Variants in RERE observed in about 807,000 individuals in gnomAD.
RERE encodes the protein arginine-glutamic acid dipeptide repeats.
A neutral mutation model predicts 146.1 loss-of-function variants in RERE; 40 were observed. That is an observed-to-expected ratio of 0.27 (90% CI 0.21 to 0.36). The LOEUF is 0.36. Among genes scored for constraint, RERE ranks in the 10% least tolerant of loss-of-function variants. The pLI is 1.00. For synonymous variants in RERE, 1,003 were observed against 866.0 expected (o/e 1.16, Z -2.78); for missense variants, 1,933 against 2,138.7 (o/e 0.90, Z 1.90).
chr1:8,761,217 G>A (rs541579589), intron 1 of RERE, among the ~76,000 whole-genome samples: 2 of 152,268 alleles, frequency 1.3e-5, no homozygotes, highest in South Asian at 4.2e-4. Context: ...TCCTAAAACT[G>A]GAGGATTTTC....
rs1641587677 is a variant in RERE, at chr1:8,361,686, C to T, written c.2016+77G>A. On this transcript the variant is annotated intron_variant, in intron 17 of 22. Coordinates refer to ENST00000400908, the MANE Select transcript of RERE (RefSeq NM_001042681.2). ...ACCCTAGGAGACAGGGCACGGCCAC[C>T]AACTAGGGAGAACCCCGGCTGGGGG... The T allele has an allele frequency of 2.8e-6, 4 of 1,419,516 alleles. No individual in the cohort carries two copies. In the South Asian group the frequency reaches 4.7e-5, roughly 17 times the overall value. The allele number at this position is 1,419,516 out of a possible 1,614,324, so 87.9% of individuals were successfully genotyped here.
chr1:8,750,347 C>G (rs1199311053), intron 1 of RERE: 2 of 611,864 alleles, frequency 3.3e-6, no homozygotes, highest in East Asian at 5.5e-5. Flanking sequence ...CATGTAGAAA[C>G]CATTCTGCCT....
At chr1:8,509,738 G>A (rs531787939) in intron 7 of RERE, among the ~76,000 whole-genome samples, 1 of 152,272 alleles carries the variant, frequency 6.6e-6, no homozygotes, top group South Asian at 2.1e-4. Context: ...AGGCTGCAGT[G>A]AGCCATGTTC....
At chr1:8,721,389 G>A (rs1243833290) in intron 1 of RERE, among the ~76,000 whole-genome samples, 2 of 152,122 alleles carry the variant, frequency 1.3e-5, no homozygotes, top group Admixed American at 1.3e-4. Flanking sequence ...TCGGCTCACT[G>A]TAACCTCCGT....
In RERE at chr1:8,361,437, A is replaced by G. The variant is rs2124369473; in HGVS notation, c.2070T>C (p.Ser690=). Residue 690 remains serine, a synonymous_variant, in exon 18 of 23, where the codon AGT becomes AGC. Transcript: ENST00000400908. ...TGCTACCCTCATCGTTGACGCTGCGACTGTCTGAACTCTCTCCCTCACCTT... is the reference window on the plus strand; with the variant it reads ...TGCTACCCTCATCGTTGACGCTGCGGCTGTCTGAACTCTCTCCCTCACCTT... ...PSEGEGESSD[S]RSVNDEGSSD... 1.2e-6 allele frequency: 2 copies of G among 1,613,646 alleles called. No individual in the cohort carries two copies. The highest frequency in any genetic ancestry group is 4.5e-5 in the East Asian group (2 of 44,862).
At chr1:8,389,791 G>T (rs1052385322) in intron 12 of RERE, among the ~76,000 whole-genome samples, 2 of 152,184 alleles carry the variant, frequency 1.3e-5, no homozygotes, top group Non-Finnish European at 2.9e-5. Flanking sequence ...CTAAGTGCAC[G>T]TTGTTTTGTA....
At chr1:8,710,185 A>G (rs1639638525) in intron 1 of RERE, among the ~76,000 whole-genome samples, 1 of 152,214 alleles carries the variant, frequency 6.6e-6, no homozygotes, top group African/African-American at 2.4e-5. Flanking sequence ...CAAATGCCCT[A>G]TGGGTTCCAC....
At chr1:8,809,988 T>C (rs1357153748) in intron 1 of RERE, among the ~76,000 whole-genome samples, 1 of 151,830 alleles carries the variant, frequency 6.6e-6, no homozygotes, top group African/African-American at 2.4e-5. Context: ...TTTGTTGTTT[T>C]TGTTTTTGTT....
At chr1:8,712,756 C>G (rs922317039) in intron 1 of RERE, among the ~76,000 whole-genome samples, 14 of 150,180 alleles carry the variant, frequency 9.3e-5, no homozygotes, top group African/African-American at 3.4e-4. Context: ...TACTCAAGGG[C>G]TTTAGAAAAA....
At chr1:8,633,454 G>A (rs201626372) in intron 2 of RERE, among the ~76,000 whole-genome samples, 1 of 150,476 alleles carries the variant, frequency 6.6e-6, no homozygotes, top group African/African-American at 2.4e-5. Context: ...CACACACACA[G>A]ACACACACAC....
chr1:8,690,583 T>C (rs1157574714), intron 1 of RERE, among the ~76,000 whole-genome samples: 1 of 152,214 alleles, frequency 6.6e-6, no homozygotes, highest in Non-Finnish European at 1.5e-5. Flanking sequence ...ATTTAGACAA[T>C]GTAAAATAAA....
At chr1:8,736,139 G>A (rs993200025) in intron 1 of RERE, among the ~76,000 whole-genome samples, 3 of 152,064 alleles carry the variant, frequency 2.0e-5, no homozygotes, top group African/African-American at 7.2e-5. Flanking sequence ...TGAGTGCAGG[G>A]GTGCTCTCAC....
chr1:8,381,040 C>T (rs1475386185), intron 12 of RERE: 2 of 456,528 alleles, frequency 4.4e-6, no homozygotes, highest in Non-Finnish European at 8.8e-6. Context: ...GGAACGCCTT[C>T]TCCTGGTTGC....
intron 7 of RERE, among the ~76,000 whole-genome samples, chr1:8,520,764 A>AAAC (rs1645485463): frequency 6.7e-6 from 1 of 150,196 alleles, no homozygotes; most frequent in African/African-American, 2.4e-5. Context: ...TAAAAAAAAA[A>AAAC]AAAAAAAAAA....
chr1:8,720,468 T>C (rs1203148230), intron 1 of RERE, among the ~76,000 whole-genome samples: 2 of 151,844 alleles, frequency 1.3e-5, no homozygotes, highest in Non-Finnish European at 2.9e-5. Flanking sequence ...GGATTAAACA[T>C]ATGCAGAGGG....
intron 2 of RERE, among the ~76,000 whole-genome samples, chr1:8,632,314 G>A (rs76790217): frequency 6.6e-6 from 1 of 152,208 alleles, no homozygotes; most frequent in Non-Finnish European, 1.5e-5. Context: ...CTGCAGCGCA[G>A]ATTTCAAGCA....
chr1:8,677,841 C>A (rs750170652), intron 1 of RERE, among the ~76,000 whole-genome samples: 2 of 152,200 alleles, frequency 1.3e-5, no homozygotes, highest in Non-Finnish European at 2.9e-5. Context: ...GCTCAATAAA[C>A]CTCAACACTG....
At chr1:8,448,274 G>C (rs1372458246) in intron 11 of RERE, among the ~76,000 whole-genome samples, 1 of 152,170 alleles carries the variant, frequency 6.6e-6, no homozygotes, top group East Asian at 1.9e-4. Flanking sequence ...TTCTTAGTGA[G>C]AGGACCAATG....
intron 2 of RERE, among the ~76,000 whole-genome samples, chr1:8,651,113 A>AT (rs2124318460): frequency 6.6e-6 from 1 of 151,968 alleles, no homozygotes; most frequent in African/African-American, 2.4e-5. Flanking sequence ...AAAATCTACC[A>AT]TTTAAAAACT....
Sources: gnomAD v4.1 joint callset for allele counts (sites outside exome capture counted in the v4.1 genomes callset) on GRCh38, gnomAD v4.1.1 for gene constraint, MANE v1.5 for transcripts, NCBI Gene and HGNC (gene_info 2026-07-23, HGNC 2026-07-21) for gene names.